The following SLC24A2 variants were observed in gnomAD, a reference collection of about 807,000 sequenced individuals.
The protein encoded by SLC24A2 is sodium/potassium/calcium exchanger 2.
SLC24A2 carries 36 observed loss-of-function variants against 62.0 expected under a neutral mutation model. The observed-to-expected ratio is 0.58, with a 90% CI of 0.44 to 0.77. The LOEUF (loss-of-function observed/expected upper bound fraction) is 0.77. Ranked by LOEUF, SLC24A2 falls within the 30% of genes least tolerant of loss-of-function variation. SLC24A2 has a pLI of 0.00. For missense variants in SLC24A2, 846 were observed against 817.9 expected, an observed-to-expected ratio of 1.03 and a Z score of -0.42; for synonymous variants, 358 against 294.0, an observed-to-expected ratio of 1.22 and a Z score of -2.23.
chr9:20,055,666 T>C, the SLC24A2 span, among the ~76,000 whole-genome samples: 5 of 152,080 alleles, frequency 3.3e-5, no homozygotes, highest in Admixed American at 1.3e-4. Context: ...GAAGGGAGGA[T>C]TGCCTGAGCT....
At chr9:19,810,151 G>A in the SLC24A2 span, among the ~76,000 whole-genome samples, 4 of 152,142 alleles carry the variant, frequency 2.6e-5, no homozygotes, top group Non-Finnish European at 5.9e-5. Context: ...CTAAAAGTGG[G>A]GAGAGGTGGT....
chr9:19,697,193 AAAT>A (rs1475434423), intron 2 of SLC24A2, among the ~76,000 whole-genome samples: 1 of 152,260 alleles, frequency 6.6e-6, no homozygotes, highest in African/African-American at 2.4e-5. Context: ...ATTGAAATTG[AAAT>A]AATGACTTCT....
chr9:19,839,306 G>A, the SLC24A2 span, among the ~76,000 whole-genome samples: 3 of 152,136 alleles, frequency 2.0e-5, no homozygotes, highest in African/African-American at 7.2e-5. Flanking sequence ...CTGTAAACTA[G>A]TTTAACCATT....
At chr9:20,044,374 C>G in the SLC24A2 span, among the ~76,000 whole-genome samples, 1 of 152,144 alleles carries the variant, frequency 6.6e-6, no homozygotes, top group Admixed American at 6.5e-5. Context: ...CAGAACCTAC[C>G]ATTTCTGCTC....
the SLC24A2 span, among the ~76,000 whole-genome samples, chr9:19,887,858 C>T: frequency 6.6e-6 from 1 of 152,172 alleles, no homozygotes; most frequent in African/African-American, 2.4e-5. Flanking sequence ...ACTTTCACAA[C>T]AACCTAGATG....
chr9:20,265,713 G>A, the SLC24A2 span, among the ~76,000 whole-genome samples: 1 of 152,166 alleles, frequency 6.6e-6, no homozygotes, highest in African/African-American at 2.4e-5. Flanking sequence ...AATGTTCAGG[G>A]AACAAGAGAG....
chr9:19,669,951 C>T lies in SLC24A2; in HGVS notation c.931-47652G>A, dbSNP rs532567724. 2.0e-5 allele frequency among the ~76,000 whole-genome samples: 3 copies of T among 152,352 alleles called. No homozygotes were observed. The East Asian group carries it at 5.8e-4, about 29-fold the overall frequency. ...ACCACAGTGCCCCCACATTGGAGAA[C>T]ATCCCACAATTATTGGTCCTTGGTG... is the stretch of plus-strand genomic sequence containing the variant. On this transcript the variant is annotated intron_variant, in intron 2 of 10. Coordinates refer to ENST00000341998, the MANE Select transcript of SLC24A2 (RefSeq NM_020344.4).
At chr9:19,975,161 T>C in the SLC24A2 span, among the ~76,000 whole-genome samples, 1 of 152,178 alleles carries the variant, frequency 6.6e-6, no homozygotes, top group Non-Finnish European at 1.5e-5. Context: ...AATGGTCTGA[T>C]TTAAAGGTCT....
chr9:20,057,134 A>G, the SLC24A2 span, among the ~76,000 whole-genome samples: 1 of 152,210 alleles, frequency 6.6e-6, no homozygotes, highest in Non-Finnish European at 1.5e-5. Flanking sequence ...TACATCACCT[A>G]TATATTCACA....
chr9:19,995,526 A>C, the SLC24A2 span, among the ~76,000 whole-genome samples: 7 of 152,206 alleles, frequency 4.6e-5, no homozygotes, highest in East Asian at 1.3e-3. Context: ...TAAGAACACT[A>C]GATATTTTGA....
At chr9:19,764,408 G>T (rs2118866719) in intron 2 of SLC24A2, among the ~76,000 whole-genome samples, 1 of 152,138 alleles carries the variant, frequency 6.6e-6, no homozygotes, top group Non-Finnish European at 1.5e-5. Context: ...TGTCAATTTT[G>T]GATCTTTCCC....
chr9:20,101,397 C>A, the SLC24A2 span, among the ~76,000 whole-genome samples: 1 of 152,348 alleles, frequency 6.6e-6, no homozygotes, highest in South Asian at 2.1e-4. Flanking sequence ...AGTGCTGGTA[C>A]TTTCTATATA....
chr9:19,953,775 T>G, the SLC24A2 span, among the ~76,000 whole-genome samples: 1 of 152,122 alleles, frequency 6.6e-6, no homozygotes, highest in African/African-American at 2.4e-5. Context: ...AACTTTGGAC[T>G]CACATACTGC....
At chr9:20,170,341 T>C in the SLC24A2 span, among the ~76,000 whole-genome samples, 5 of 151,986 alleles carry the variant, frequency 3.3e-5, no homozygotes, top group Admixed American at 2.0e-4. Flanking sequence ...TCAACTAAGA[T>C]TGCAAGAGCA....
the SLC24A2 span, among the ~76,000 whole-genome samples, chr9:20,019,311 G>GAA: frequency 6.9e-6 from 1 of 145,442 alleles, no homozygotes; most frequent in African/African-American, 2.8e-5. Flanking sequence ...AAGAAAGAAA[G>GAA]AAAGTGAGTG....
the SLC24A2 span, among the ~76,000 whole-genome samples, chr9:20,287,318 G>A: frequency 3.3e-5 from 5 of 152,138 alleles, no homozygotes; most frequent in Admixed American, 2.0e-4. Flanking sequence ...CATCTCATTG[G>A]GGAGAGCAAA....
the SLC24A2 span, among the ~76,000 whole-genome samples, chr9:20,043,592 T>G: frequency 6.6e-6 from 1 of 152,164 alleles, no homozygotes; most frequent in Admixed American, 6.5e-5. Flanking sequence ...ATAGATGACC[T>G]TGAGAGGTTT....
the SLC24A2 span, among the ~76,000 whole-genome samples, chr9:19,883,777 G>C: frequency 6.6e-6 from 1 of 152,072 alleles, no homozygotes; most frequent in Non-Finnish European, 1.5e-5. Flanking sequence ...GTGTTAGCCA[G>C]GATGGTCTTG....
At chr9:19,936,483 A>G in the SLC24A2 span, among the ~76,000 whole-genome samples, 1 of 152,160 alleles carries the variant, frequency 6.6e-6, no homozygotes, top group African/African-American at 2.4e-5. Context: ...CATGTTGCCC[A>G]GGCTGTTCTC....
Sources: gnomAD v4.1 joint callset for allele counts (sites outside exome capture counted in the v4.1 genomes callset) on GRCh38, gnomAD v4.1.1 for gene constraint, MANE v1.5 for transcripts, NCBI Gene and HGNC (gene_info 2026-07-23, HGNC 2026-07-21) for gene names.